The following DAB2IP variants were observed in gnomAD, a reference collection of about 807,000 sequenced individuals.
The protein encoded by DAB2IP is DAB2 interacting protein.
A neutral mutation model predicts 107.2 loss-of-function variants in DAB2IP; 28 were observed. The ratio of observed to expected loss-of-function variants is 0.26; its 90% CI spans 0.19 to 0.36. The LOEUF is 0.36. Ranked by LOEUF, DAB2IP falls within the 10% of genes least tolerant of loss-of-function variation. The pLI is 1.00. For missense variants in DAB2IP, 1,400 were observed against 1,644.7 expected (o/e 0.85, Z 2.57); for synonymous variants, 755 against 706.4 (o/e 1.07, Z -1.09).
In DAB2IP at chr9:121,775,549, G is replaced by A. The variant is rs562941907; in HGVS notation, c.3121-649G>A. Among the ~76,000 whole-genome samples the A allele has an allele frequency of 2.0e-5, 3 of 152,310 alleles. No homozygotes were observed. In the East Asian group the frequency reaches 5.8e-4, roughly 29 times the overall value. On this transcript the variant is annotated intron_variant, in intron 13 of 15. Transcript: ENST00000408936. ...TTGGCCTTTCCTCGCTCAGCGCAGA[G>A]CACCTGACTCCTCTCTGCAGCCACG...
At chr9:121,606,626 G>A (rs1057106511) in intron 1 of DAB2IP, among the ~76,000 whole-genome samples, 13 of 152,036 alleles carry the variant, frequency 8.6e-5, no homozygotes, top group Admixed American at 5.2e-4. Context: ...CCTTATTGAC[G>A]GCTCCCAATT....
chr9:121,757,127 C>T (rs35510547), exon 4 of DAB2IP: 112 of 1,614,176 alleles, frequency 6.9e-5, no homozygotes, highest in Admixed American at 3.7e-4. Flanking sequence ...TCATCAAGCC[C>T]GTGCACAGCA....
chr9:121,639,927 A>C (rs1832219674), intron 1 of DAB2IP, among the ~76,000 whole-genome samples: 1 of 151,884 alleles, frequency 6.6e-6, no homozygotes, highest in African/African-American at 2.4e-5. Context: ...GCTAACTTAG[A>C]CTCTGCCCGG....
intron 1 of DAB2IP, among the ~76,000 whole-genome samples, chr9:121,596,546 T>C (rs967094588): frequency 2.0e-5 from 3 of 152,190 alleles, no homozygotes; most frequent in African/African-American, 7.2e-5. Flanking sequence ...AATGATATTA[T>C]AGAAATTTGA....
intron 3 of DAB2IP, among the ~76,000 whole-genome samples, chr9:121,734,563 C>T (rs568439520): frequency 3.3e-5 from 5 of 152,158 alleles, no homozygotes; most frequent in African/African-American, 4.8e-5. Flanking sequence ...CTTGTTAGCT[C>T]GTGACTCCTT....
intron 2 of DAB2IP, among the ~76,000 whole-genome samples, chr9:121,679,751 C>T (rs1437936055): frequency 1.3e-5 from 2 of 152,000 alleles, no homozygotes; most frequent in Non-Finnish European, 2.9e-5. Flanking sequence ...TCCAGGGGAG[C>T]TGGAAGTGAT....
intron 14 of DAB2IP, among the ~76,000 whole-genome samples, chr9:121,778,794 A>C (rs1835389503): frequency 6.6e-6 from 1 of 152,206 alleles, no homozygotes; most frequent in South Asian, 2.1e-4. Context: ...CCTCACCCTG[A>C]GGCTGTAATG....
At chr9:121,676,922 T>C (rs1456655772) in intron 1 of DAB2IP, among the ~76,000 whole-genome samples, 1 of 152,206 alleles carries the variant, frequency 6.6e-6, no homozygotes, top group Non-Finnish European at 1.5e-5. Context: ...GGTTGGCAGG[T>C]TGGACAGACT....
chr9:121,722,318 C>T (rs1006865097), intron 3 of DAB2IP, among the ~76,000 whole-genome samples: 8 of 152,302 alleles, frequency 5.3e-5, no homozygotes, highest in Non-Finnish European at 7.3e-5. Context: ...TCTTCCTGTT[C>T]CTCCCCTGCA....
intron 3 of DAB2IP, among the ~76,000 whole-genome samples, chr9:121,719,079 C>G (rs1830774928): frequency 6.6e-6 from 1 of 152,216 alleles, no homozygotes; most frequent in Admixed American, 6.5e-5. Context: ...GAATCTAGCT[C>G]CTTCATAGCT....
chr9:121,576,760 G>T (rs1424181892), intron 1 of DAB2IP, among the ~76,000 whole-genome samples: 3 of 152,174 alleles, frequency 2.0e-5, no homozygotes, highest in South Asian at 2.1e-4. Context: ...ATTCTGGGGG[G>T]GGAGGGGAAA....
chr9:121,644,617 A>T (rs1271087600), intron 1 of DAB2IP, among the ~76,000 whole-genome samples: 1 of 152,090 alleles, frequency 6.6e-6, no homozygotes, highest in Non-Finnish European at 1.5e-5. Context: ...AAATAAAAAA[A>T]GAGAGAGAGA....
chr9:121,724,585 G>C (rs993981341), intron 3 of DAB2IP, among the ~76,000 whole-genome samples: 2 of 152,214 alleles, frequency 1.3e-5, no homozygotes, highest in Non-Finnish European at 2.9e-5. Context: ...CTTGTACCCT[G>C]ATGTGTCTCT....
chr9:121,608,331 G>C (rs1333215641), intron 1 of DAB2IP, among the ~76,000 whole-genome samples: 1 of 152,184 alleles, frequency 6.6e-6, no homozygotes, highest in Non-Finnish European at 1.5e-5. Flanking sequence ...CTCAGCCCCT[G>C]AGGTCTGTGT....
chr9:121,673,229 A>G (rs12005676), intron 1 of DAB2IP, among the ~76,000 whole-genome samples: 53,450 of 152,052 alleles, frequency 0.35, 10,361 homozygotes, highest in African/African-American at 0.53. Flanking sequence ...CTCCTCACCC[A>G]ACCCCATGCT....
chr9:121,652,547 G>A (rs530706756), intron 1 of DAB2IP, among the ~76,000 whole-genome samples: 63 of 152,248 alleles, frequency 4.1e-4, no homozygotes, highest in African/African-American at 1.3e-3. Context: ...TCCTTCCCTG[G>A]CTGAGTAGGA....
At chr9:121,581,153 A>G (rs1316689938) in intron 1 of DAB2IP, among the ~76,000 whole-genome samples, 5 of 152,188 alleles carry the variant, frequency 3.3e-5, no homozygotes, top group Admixed American at 3.3e-4. Context: ...GAGGCAGCTC[A>G]GGTGAGGCTG....
intron 5 of DAB2IP, 134 bp from the exon 6 acceptor site, chr9:121,759,751 A>T: frequency 1.4e-6 from 1 of 727,932 alleles, no homozygotes; most frequent in Non-Finnish European, 2.2e-6. Context: ...ATCCTGACTT[A>T]GGGCCTAGGC....
At chr9:121,596,456 A>G (rs1284049621) in intron 1 of DAB2IP, among the ~76,000 whole-genome samples, 1 of 152,194 alleles carries the variant, frequency 6.6e-6, no homozygotes, top group Non-Finnish European at 1.5e-5. Context: ...TCGAGGCCGC[A>G]GTGAGCTATG....
Sources: allele counts gnomAD v4.1 joint callset (sites outside exome capture counted in the v4.1 genomes callset), GRCh38; gene constraint gnomAD v4.1.1; transcripts MANE v1.5; gene names NCBI Gene and HGNC (gene_info 2026-07-23, HGNC 2026-07-21).